MALRD1: variants seen among roughly 807,000 people sequenced by gnomAD.
MALRD1 encodes MAM and LDL-receptor class A domain-containing protein 1.
Under a neutral mutation model 242.1 loss-of-function variants are expected in MALRD1, and 247 were observed. That is an observed-to-expected ratio of 1.02 (90% CI 0.92 to 1.13). The LOEUF is 1.13. Among genes scored for constraint, MALRD1 ranks in the 50% most tolerant of loss-of-function variants. The probability of loss-of-function intolerance (pLI) is 0.00; values close to 1 mark genes in which losing one functional copy is unlikely to be tolerated. For synonymous variants in MALRD1, 995 were observed against 866.6 expected, an observed-to-expected ratio of 1.15 and a Z score of -2.60; for missense variants, 2,989 against 2,533.1, an observed-to-expected ratio of 1.18 and a Z score of -3.86.
chr10:19,289,825 G>C (rs964636894), intron 21 of MALRD1, among the ~76,000 whole-genome samples: 1 of 152,070 alleles, frequency 6.6e-6, no homozygotes, highest in African/African-American at 2.4e-5. Flanking sequence ...TGTTGTTTTG[G>C]AAATAGTTCT....
chr10:19,125,340 TC>T (rs1460670165), intron 7 of MALRD1, among the ~76,000 whole-genome samples: 1 of 89,858 alleles, frequency 1.1e-5, no homozygotes, highest in Non-Finnish European at 2.2e-5. Context: ...TTTCTTTCTT[TC>T]TTTCTTTCTT....
intron 31 of MALRD1, among the ~76,000 whole-genome samples, chr10:19,513,809 G>A (rs1236327078): frequency 6.6e-6 from 1 of 152,020 alleles, no homozygotes; most frequent in East Asian, 1.9e-4. Context: ...AACTAACACA[G>A]TATCTTAACA....
chr10:19,694,685 A>G (rs1042919763), intron 38 of MALRD1, among the ~76,000 whole-genome samples: 6 of 152,328 alleles, frequency 3.9e-5, no homozygotes, highest in East Asian at 1.9e-4. Context: ...AGGATCTAGA[A>G]CTAGAAATAC....
At chr10:19,724,004 G>A (rs1463627452) in intron 38 of MALRD1, among the ~76,000 whole-genome samples, 1 of 152,158 alleles carries the variant, frequency 6.6e-6, no homozygotes, top group African/African-American at 2.4e-5. Flanking sequence ...GCTGCAGTGA[G>A]CTATGATCAC....
At chr10:19,381,335 G>A (rs1178390536) in intron 26 of MALRD1, among the ~76,000 whole-genome samples, 1 of 151,474 alleles carries the variant, frequency 6.6e-6, no homozygotes. Context: ...TTGGTTCCAA[G>A]TCTTTGCTAT....
At chr10:19,321,474 A>G (rs1577290) in intron 21 of MALRD1, among the ~76,000 whole-genome samples, 83,612 of 151,788 alleles carry the variant, frequency 0.55, 23,209 homozygotes, top group Middle Eastern at 0.59. Flanking sequence ...TATATTTTTA[A>G]TTATTTCAAA....
chr10:19,607,616 A>G (rs1479316070), intron 34 of MALRD1, among the ~76,000 whole-genome samples, 161 bp from the exon 35 acceptor site: 1 of 152,112 alleles, frequency 6.6e-6, no homozygotes, highest in African/African-American at 2.4e-5. Flanking sequence ...AAGTTAATCC[A>G]TTTGAAATAT....
chr10:19,519,134 C>T (rs1833768726), intron 31 of MALRD1, among the ~76,000 whole-genome samples: 1 of 152,026 alleles, frequency 6.6e-6, no homozygotes, highest in African/African-American at 2.4e-5. Context: ...AATTTTCTTT[C>T]ATTGTCAAAA....
chr10:19,710,450 T>A (rs1374959916), intron 38 of MALRD1: 1 of 152,234 alleles, frequency 6.6e-6, no homozygotes, highest in Non-Finnish European at 1.5e-5. Flanking sequence ...CTTGATCATT[T>A]AAGATATTAT....
intron 31 of MALRD1, among the ~76,000 whole-genome samples, chr10:19,529,553 G>T (rs904176731): frequency 7.0e-6 from 1 of 142,448 alleles, no homozygotes; most frequent in African/African-American, 2.6e-5. Flanking sequence ...AGGAGGGGGG[G>T]GGAGAAAACA....
chr10:19,388,689 G>A (rs1486925784), intron 27 of MALRD1, among the ~76,000 whole-genome samples: 5 of 152,048 alleles, frequency 3.3e-5, no homozygotes, highest in Non-Finnish European at 5.9e-5. Flanking sequence ...TTTTTGTAGT[G>A]AGTGGCTGAG....
At chr10:19,342,976 G>A (rs1040582747) in intron 24 of MALRD1, among the ~76,000 whole-genome samples, 3 of 152,044 alleles carry the variant, frequency 2.0e-5, no homozygotes, top group Non-Finnish European at 4.4e-5. Flanking sequence ...TTTTCCAAAT[G>A]TTTGATATAT....
intron 36 of MALRD1, among the ~76,000 whole-genome samples, chr10:19,651,002 C>CGAG (rs1478698461): frequency 6.6e-6 from 1 of 152,142 alleles, no homozygotes; most frequent in Non-Finnish European, 1.5e-5. Flanking sequence ...GCCAGTCTCC[C>CGAG]CACTATCTCT....
At chr10:19,330,660 G>A (rs904413782) in intron 23 of MALRD1, among the ~76,000 whole-genome samples, 1 of 152,042 alleles carries the variant, frequency 6.6e-6, no homozygotes, top group African/African-American at 2.4e-5. Context: ...TCCAAGCAAT[G>A]GTATTGTTGA....
intron 28 of MALRD1, among the ~76,000 whole-genome samples, chr10:19,404,149 G>A (rs1846987920): frequency 6.6e-6 from 1 of 152,036 alleles, no homozygotes; most frequent in African/African-American, 2.4e-5. Context: ...GAGCATATAA[G>A]TAAAACTTTT....
At chr10:19,407,390 G>A (rs1403768277) in intron 28 of MALRD1, among the ~76,000 whole-genome samples, 2 of 152,174 alleles carry the variant, frequency 1.3e-5, no homozygotes, top group Admixed American at 1.3e-4. Flanking sequence ...GCTGAGGTGG[G>A]AGGCTCACTG....
rs149415506 is a variant in MALRD1, at chr10:19,313,672, T to C, written c.3420-10277T>C. ...ATGTTTTATAAAGGTCTAATACGTA[T>C]TTACTGAGACTCTTAGAGTCCTATT... is the stretch of plus-strand genomic sequence containing the variant. On this transcript the variant is annotated intron_variant, in intron 21 of 39. Coordinates refer to ENST00000454679, the MANE Select transcript of MALRD1 (RefSeq NM_001142308.3). 6.0e-3 allele frequency among the ~76,000 whole-genome samples: 917 copies of C among 151,730 alleles called. 14 individuals are homozygous for C. Among genetic ancestry groups the C allele is most frequent in the African/African-American group, 0.021 (858 of 41,470 alleles).
Position 19,203,872 on chromosome 10 carries a change from C to T in MALRD1, c.2096C>T (p.Ala699Val). The change falls in exon 15 of 40, where the codon GCA becomes GTA. Residue 699 changes from alanine (A) to valine (V), a missense_variant. Physicochemically the swap from Ala to Val is moderately conservative, Grantham distance 64. Transcript: ENST00000454679. ...CCACCTCGGGATCATAGTCTCAACG[C>T]ATCTCAAGGTAAGAAGCAAACAGGG... ...QAPPRDHSLN[A>V]SQGHFMFILK... 1 of 1,550,450 alleles carries T rather than the reference C, an allele frequency of 6.4e-7. No homozygotes were observed. The highest frequency in any genetic ancestry group is 8.7e-7 in the Non-Finnish European group (1 of 1,146,908).
chr10:19,677,883 A>G (rs1443492628), intron 36 of MALRD1, among the ~76,000 whole-genome samples: 1 of 152,172 alleles, frequency 6.6e-6, no homozygotes, highest in East Asian at 1.9e-4. Flanking sequence ...ATTTTTCTGC[A>G]TATGCTAGCC....
Sources: allele counts gnomAD v4.1 joint callset (sites outside exome capture counted in the v4.1 genomes callset), GRCh38; gene constraint gnomAD v4.1.1; transcripts MANE v1.5; gene names NCBI Gene and HGNC (gene_info 2026-07-23, HGNC 2026-07-21).